CDH10: variants seen among roughly 807,000 people sequenced by gnomAD.
The protein encoded by CDH10 is cadherin 10.
Under a neutral mutation model 73.1 loss-of-function variants are expected in CDH10, and 30 were observed. That is an observed-to-expected ratio of 0.41 (90% CI 0.31 to 0.56). The LOEUF (loss-of-function observed/expected upper bound fraction) is 0.56, where lower values mean the gene tolerates loss of function less well. CDH10 is among the 20% of genes least tolerant of loss of function. The pLI is 0.27. For missense variants in CDH10, 815 were observed against 973.7 expected (o/e 0.84, Z 2.17); for synonymous variants, 345 against 348.2 (o/e 0.99, Z 0.10).
intron 2 of CDH10, among the ~76,000 whole-genome samples, chr5:24,544,423 T>C (rs1744266052): frequency 6.6e-6 from 1 of 152,232 alleles, no homozygotes; most frequent in South Asian, 2.1e-4. Flanking sequence ...AATAATTTCT[T>C]TCGGGGACCA....
chr5:24,572,149 G>A (rs1745406781), intron 2 of CDH10, among the ~76,000 whole-genome samples: 1 of 152,048 alleles, frequency 6.6e-6, no homozygotes, highest in African/African-American at 2.4e-5. Flanking sequence ...TCTGTCTGAA[G>A]AAGAAATCAA....
chr5:24,586,773 G>T (rs2112074322), intron 2 of CDH10, among the ~76,000 whole-genome samples: 1 of 150,726 alleles, frequency 6.6e-6, no homozygotes, highest in Non-Finnish European at 1.5e-5. Context: ...AAATTACCAG[G>T]AGTCATGGAA....
At position 24,509,782 on chromosome 5, in the gene CDH10, T is replaced by C. The variant is rs1400646461; in HGVS notation, c.1040A>G (p.Lys347Arg). The stretch of plus-strand genomic sequence containing the variant: ...TACATGGGTGTTTTCTGCTTCGACT[T>C]TCAGAGTATAAAGTCTTCGGCTCTC... Reference protein sequence around the residue: ...DYESRRLYTLKVEAENTHVDP... With the variant: ...DYESRRLYTLRVEAENTHVDP... The change falls in exon 7 of 12, where the codon AAA becomes AGA. Residue 347 changes from lysine to arginine, a missense_variant. Lys to Arg is a conservative substitution (Grantham distance 26). Coordinates refer to ENST00000264463, the MANE Select transcript of CDH10 (RefSeq NM_006727.5). The C allele has an allele frequency of 6.2e-7, 1 of 1,612,462 alleles. No homozygotes were observed. Among genetic ancestry groups the C allele is most frequent in the Non-Finnish European group, 8.5e-7 (1 of 1,178,660 alleles).
chr5:24,524,375 C>T (rs9293134), intron 5 of CDH10, among the ~76,000 whole-genome samples: 70,158 of 151,670 alleles, frequency 0.46, 16,454 homozygotes, highest in East Asian at 0.58. Flanking sequence ...TTTGACATTT[C>T]GGGCAAGCAG....
At chr5:24,593,733 T>G (rs1746279380) in intron 1 of CDH10, 120 bp from the exon 2 acceptor site, 3 of 468,400 alleles carry the variant, frequency 6.4e-6, no homozygotes, top group Non-Finnish European at 7.5e-6. Context: ...TTTTCTTTAT[T>G]TTTCATACAA....
intron 2 of CDH10, among the ~76,000 whole-genome samples, chr5:24,553,114 T>C (rs1168608476): frequency 6.6e-6 from 1 of 152,186 alleles, no homozygotes; most frequent in East Asian, 1.9e-4. Flanking sequence ...TTGGAGAATA[T>C]TGAACCGACC....
intron 9 of CDH10, among the ~76,000 whole-genome samples, chr5:24,496,030 G>T (rs1742276744): frequency 6.6e-6 from 1 of 152,046 alleles, no homozygotes; most frequent in African/African-American, 2.4e-5. Context: ...CAATGAATGG[G>T]TTTTAAGATA....
intron 2 of CDH10, among the ~76,000 whole-genome samples, chr5:24,577,198 G>A: frequency 6.6e-6 from 1 of 152,080 alleles, no homozygotes; most frequent in Non-Finnish European, 1.5e-5. Flanking sequence ...CATTAGGGAA[G>A]AAACATGAAA....
chr5:24,537,711 T>G (rs1579777467), intron 2 of CDH10, 37 bp from the exon 3 acceptor site: 1 of 1,317,588 alleles, frequency 7.6e-7, no homozygotes, highest in Non-Finnish European at 1.1e-6. Context: ...CATGATCATG[T>G]ATAAAGGTGC....
chr5:24,627,434 T>C (rs949404912), intron 1 of CDH10, among the ~76,000 whole-genome samples: 7 of 152,116 alleles, frequency 4.6e-5, no homozygotes, highest in Non-Finnish European at 1.0e-4. Flanking sequence ...AAGAAAAATA[T>C]AGAGTGAAAT....
At chr5:24,604,898 A>AAAAAAAAAAAAAAAAAAAAAC (rs1746703525) in intron 1 of CDH10, among the ~76,000 whole-genome samples, 1 of 147,588 alleles carries the variant, frequency 6.8e-6, no homozygotes, top group African/African-American at 2.6e-5. Context: ...AAAAAAAACA[A>AAAAAAAAAAAAAAAAAAAAAC]AAACAAACAA....
In CDH10 at chr5:24,488,134, T is replaced by C. The variant is rs1457788290; in HGVS notation, c.1896A>G (p.Ala632=). 1 of 1,611,446 alleles carries C rather than the reference T, an allele frequency of 6.2e-7. No individual in the cohort carries two copies. The highest frequency in any genetic ancestry group is 8.5e-7 in the Non-Finnish European group (1 of 1,178,914). Residue 632 remains alanine, a synonymous_variant, in exon 12 of 12, where the codon GCA becomes GCG. Coordinates refer to ENST00000264463, the MANE Select transcript of CDH10 (RefSeq NM_006727.5). ...IILLVIVVLF[A]ALKRQRKKEP... ...CTTTTTTTCGCTGTCTTTTCAGAGCTGCAAACAGTACTACTATAACTTGAA... is the reference window on the plus strand; with the variant it reads ...CTTTTTTTCGCTGTCTTTTCAGAGCCGCAAACAGTACTACTATAACTTGAA...
chr5:24,529,410 A>G (rs1204912189), intron 5 of CDH10, among the ~76,000 whole-genome samples: 2 of 152,092 alleles, frequency 1.3e-5, no homozygotes, highest in African/African-American at 2.4e-5. Context: ...GTTTATTTGT[A>G]TACTCAAAGT....
intron 5 of CDH10, among the ~76,000 whole-genome samples, chr5:24,526,078 TA>T (rs1377083626): frequency 6.6e-6 from 1 of 152,036 alleles, no homozygotes; most frequent in Admixed American, 6.6e-5. Context: ...GTAAGTGTAC[TA>T]AAAACTCTGC....
At chr5:24,489,391 C>A (rs1209984600) in intron 11 of CDH10, among the ~76,000 whole-genome samples, 1 of 151,806 alleles carries the variant, frequency 6.6e-6, no homozygotes, top group Non-Finnish European at 1.5e-5. Flanking sequence ...GTGTTCTTGC[C>A]CAAGCAATTA....
At chr5:24,498,110 T>C (rs555629107) in intron 9 of CDH10, among the ~76,000 whole-genome samples, 1 of 152,356 alleles carries the variant, frequency 6.6e-6, no homozygotes, top group East Asian at 1.9e-4. Context: ...TGCTTGTCTT[T>C]GTTTTTGAAA....
intron 2 of CDH10, among the ~76,000 whole-genome samples, chr5:24,588,303 T>C (rs957573859): frequency 1.3e-5 from 2 of 152,168 alleles, no homozygotes; most frequent in African/African-American, 4.8e-5. Flanking sequence ...AAATAAAAAA[T>C]AACTGTGTCC....
At chr5:24,500,820 C>A (rs1310419771) in intron 8 of CDH10, among the ~76,000 whole-genome samples, 1 of 152,138 alleles carries the variant, frequency 6.6e-6, no homozygotes, top group East Asian at 1.9e-4. Flanking sequence ...CTTATGCTTT[C>A]TCCACATAAA....
chr5:24,491,046 C>G (rs974755032), intron 11 of CDH10, among the ~76,000 whole-genome samples: 1 of 152,122 alleles, frequency 6.6e-6, no homozygotes, highest in Non-Finnish European at 1.5e-5. Flanking sequence ...TCAGAAGAAC[C>G]ATTGCCCCAG....
Sources: gnomAD v4.1 joint callset for allele counts (sites outside exome capture counted in the v4.1 genomes callset) on GRCh38, gnomAD v4.1.1 for gene constraint, MANE v1.5 for transcripts, NCBI Gene and HGNC (gene_info 2026-07-23, HGNC 2026-07-21) for gene names.